Variants in ZNF382 observed in about 807,000 individuals in gnomAD.
ZNF382 encodes zinc finger protein 382.
In ZNF382, 20 loss-of-function variants were observed where a neutral mutation model predicts 38.8. The ratio of observed to expected loss-of-function variants is 0.51; its 90% CI spans 0.36 to 0.75. ZNF382 has a LOEUF of 0.75. Among genes scored for constraint, ZNF382 ranks in the 30% least tolerant of loss-of-function variants. ZNF382 has a pLI of 0.00. For missense variants in ZNF382, 546 were observed against 654.1 expected, an observed-to-expected ratio of 0.83 and a Z score of 1.80; for synonymous variants, 202 against 223.1, an observed-to-expected ratio of 0.91 and a Z score of 0.84.
intron 4 of ZNF382, among the ~76,000 whole-genome samples, chr19:36,623,437 T>G (rs1354651268): frequency 6.6e-6 from 1 of 152,094 alleles, no homozygotes; most frequent in East Asian, 1.9e-4. Context: ...AAGTGAATGT[T>G]CCAGACCATA....
intron 4 of ZNF382, among the ~76,000 whole-genome samples, chr19:36,615,701 G>A (rs940749256): frequency 3.3e-5 from 5 of 152,072 alleles, no homozygotes; most frequent in Non-Finnish European, 7.4e-5. Context: ...AAATACATAG[G>A]TTTGTTTGTT....
chr19:36,614,634 A>G (rs74258604), intron 4 of ZNF382, among the ~76,000 whole-genome samples: 5 of 152,170 alleles, frequency 3.3e-5, no homozygotes, highest in South Asian at 2.1e-4. Context: ...TCTATTGTAC[A>G]TAGTAAGAGT....
At chr19:36,619,980 C>T (rs1354309295) in intron 4 of ZNF382, among the ~76,000 whole-genome samples, 1 of 152,134 alleles carries the variant, frequency 6.6e-6, no homozygotes, top group Non-Finnish European at 1.5e-5. Context: ...ATCTGCCCGC[C>T]CCGGCCTCCC....
chr19:36,607,766 G>GCA (rs1293045423), intron 2 of ZNF382, 144 bp downstream of exon 2: 3 of 850,408 alleles, frequency 3.5e-6, no homozygotes, highest in Non-Finnish European at 3.5e-6. Context: ...GGCTGAGGCA[G>GCA]GCAAGTGGCA....
chr19:36,607,663 C>G (rs1327084674), intron 2 of ZNF382, 41 bp downstream of exon 2: 1 of 1,499,452 alleles, frequency 6.7e-7, no homozygotes, highest in Non-Finnish European at 8.8e-7. Flanking sequence ...AACTTTTTTT[C>G]ATGGTGTATG....
chr19:36,618,854 A>G (rs565094282), intron 4 of ZNF382, among the ~76,000 whole-genome samples: 1 of 152,144 alleles, frequency 6.6e-6, no homozygotes, highest in Non-Finnish European at 1.5e-5. Context: ...CCTGCCCAAC[A>G]TGGCAAAACC....
In ZNF382 at chr19:36,630,525, G is replaced by A. The variant is rs913558867; in HGVS notation, c.*2975G>A. ...CACCTGTATTTTTAGTAGAGACGGG[G>A]TTTCATCATGTTGGCCAGGCTGGTC... On this transcript the variant is annotated 3_prime_UTR_variant, in exon 5 of 5. Coordinates refer to ENST00000292928, the MANE Select transcript of ZNF382 (RefSeq NM_032825.5). 6.6e-6 allele frequency: 1 copy of A among 151,462 alleles called. No homozygotes were observed. Among genetic ancestry groups the A allele is most frequent in the South Asian group, 2.1e-4 (1 of 4,796 alleles). The allele number at this position is 151,462 out of a possible 1,614,324, so 9.4% of individuals were successfully genotyped here. A position where few individuals can be genotyped will look rare whatever the true frequency, so the allele number is the denominator to read the frequency against.
chr19:36,605,455 G>A (rs1486602702), intron 1 of ZNF382, 108 bp downstream of exon 1: 3 of 152,648 alleles, frequency 2.0e-5, no homozygotes, highest in African/African-American at 4.8e-5. Context: ...AGGTAACCAA[G>A]AGTCCGAGCC....
intron 1 of ZNF382, among the ~76,000 whole-genome samples, chr19:36,606,512 C>T (rs1295174347): frequency 2.6e-5 from 4 of 151,828 alleles, no homozygotes; most frequent in South Asian, 4.1e-4. Flanking sequence ...TGTGCCACCA[C>T]GCTCGGCTAG....
intron 4 of ZNF382, 119 bp downstream of exon 4, chr19:36,610,861 C>G: frequency 1.4e-6 from 1 of 700,778 alleles, no homozygotes; most frequent in African/African-American, 1.8e-5. Context: ...AATATGCTAT[C>G]TTAAACTTTT....
Position 36,609,909 on chromosome 19 carries a change from T to G in ZNF382, c.-6T>G. 6.2e-7 allele frequency: 1 copy of G among 1,606,954 alleles called. No individual in the cohort carries two copies. Among genetic ancestry groups the G allele is most frequent in the Non-Finnish European group, 8.5e-7 (1 of 1,177,880 alleles). On this transcript the variant is annotated 5_prime_UTR_variant, in exon 3 of 5. It removes the in-frame stop codon of an upstream open reading frame in the 5' UTR. Coordinates refer to ENST00000292928, the MANE Select transcript of ZNF382 (RefSeq NM_032825.5). ...CATTTCCGATCACTTCAGGATGAAC[T>G]AGAGTATGCCCTTACAGGGATCAGT... is the stretch of plus-strand genomic sequence containing the variant.
At chr19:36,616,803 G>T (rs1291906518) in intron 4 of ZNF382, among the ~76,000 whole-genome samples, 4 of 152,138 alleles carry the variant, frequency 2.6e-5, no homozygotes. Context: ...TCAGCTGCAG[G>T]TAGTTTCTTT....
intron 2 of ZNF382, 72 bp from the exon 3 acceptor site, chr19:36,609,830 T>C: frequency 7.3e-7 from 1 of 1,372,738 alleles, no homozygotes; most frequent in Admixed American, 2.7e-5. Context: ...ATAAGGAAAC[T>C]AGTCTGACCA....
chr19:36,606,911 C>G (rs1001076700), intron 1 of ZNF382, among the ~76,000 whole-genome samples: 1 of 151,604 alleles, frequency 6.6e-6, no homozygotes, highest in Non-Finnish European at 1.5e-5. Context: ...AACCCCATCT[C>G]TACTAAAAAT....
chr19:36,623,258 A>G (rs944624696), intron 4 of ZNF382, among the ~76,000 whole-genome samples: 1 of 152,196 alleles, frequency 6.6e-6, no homozygotes, highest in Non-Finnish European at 1.5e-5. Flanking sequence ...CCCTAACTTC[A>G]GATAACAGTG....
chr19:36,633,608 A>G lies in ZNF382; in HGVS notation c.*6058A>G, dbSNP rs2037266972. On this transcript the variant is annotated 3_prime_UTR_variant, in exon 5 of 5. Transcript: ENST00000292928. ...ACTTATCCTAGAGAAATGAAAAATT[A>G]TGTGCACACAGAAACCTGTACATGA... 1 of 152,140 alleles carries G rather than the reference A, an allele frequency of 6.6e-6. No homozygotes were observed. The highest frequency in any genetic ancestry group is 1.5e-5 in the Non-Finnish European group (1 of 68,022). 9.4% of individuals were successfully genotyped at this position (152,140 alleles called of 1,614,324 possible).
rs538995184 is a variant in ZNF382, at chr19:36,632,941, C to A, written c.*5391C>A. On this transcript the variant is annotated 3_prime_UTR_variant, in exon 5 of 5. Coordinates refer to ENST00000292928, the MANE Select transcript of ZNF382 (RefSeq NM_032825.5). The stretch of plus-strand genomic sequence containing the variant: ...AGCAATAGAGCCAGGCTTGCCATGT[C>A]CTGCTTCACAAGTAATGTGCAACAG... 1 of 152,320 alleles carries A rather than the reference C, an allele frequency of 6.6e-6. No individual in the cohort carries two copies. Among genetic ancestry groups the A allele is most frequent in the South Asian group, 2.1e-4 (1 of 4,830 alleles). 9.4% of individuals were successfully genotyped at this position (152,320 alleles called of 1,614,324 possible).
In ZNF382 at chr19:36,626,005, G is replaced by A. The variant is rs982114196; in HGVS notation, c.233-125G>A. ...GTTTATACATTTTCCCTACCAAGAGGTAATTTATTCTGGCCTTTTTGTAGA... is the reference window on the plus strand; with the variant it reads ...GTTTATACATTTTCCCTACCAAGAGATAATTTATTCTGGCCTTTTTGTAGA... On this transcript the variant is annotated intron_variant, in intron 4 of 4. Transcript: ENST00000292928. 2.3e-5 allele frequency: 13 copies of A among 571,984 alleles called. 1 individual carries two copies. The highest frequency in any genetic ancestry group is 7.9e-5 in the Admixed American group (2 of 25,168). 35.4% of individuals were successfully genotyped at this position (571,984 alleles called of 1,614,324 possible). A position where few individuals can be genotyped will look rare whatever the true frequency, so the allele number is the denominator to read the frequency against.
intron 4 of ZNF382, among the ~76,000 whole-genome samples, chr19:36,615,775 A>G (rs2037121415): frequency 1.3e-5 from 2 of 152,182 alleles, no homozygotes; most frequent in African/African-American, 4.8e-5. Context: ...TTTCTACTAT[A>G]TGTTTATTTG....
Sources: gnomAD v4.1 joint callset for allele counts (sites outside exome capture counted in the v4.1 genomes callset) on GRCh38, gnomAD v4.1.1 for gene constraint, MANE v1.5 for transcripts, NCBI Gene and HGNC (gene_info 2026-07-23, HGNC 2026-07-21) for gene names.